Variants in ITPRID2 observed in about 807,000 individuals in gnomAD.
The protein encoded by ITPRID2 is ITPR interacting domain containing 2, also known as protein ITPRID2.
A neutral mutation model predicts 124.3 loss-of-function variants in ITPRID2; 60 were observed. That is an observed-to-expected ratio of 0.48 (90% CI 0.39 to 0.60). The LOEUF (loss-of-function observed/expected upper bound fraction) is 0.60. Among genes scored for constraint, ITPRID2 ranks in the 20% least tolerant of loss-of-function variants. The pLI is 0.00. For synonymous variants in ITPRID2, 521 were observed against 542.9 expected, an observed-to-expected ratio of 0.96 and a Z score of 0.56; for missense variants, 1,553 against 1,512.2, an observed-to-expected ratio of 1.03 and a Z score of -0.45.
chr2:181,906,451 A>G (rs1302111393), intron 8 of ITPRID2, among the ~76,000 whole-genome samples: 1 of 152,170 alleles, frequency 6.6e-6, no homozygotes, highest in African/African-American at 2.4e-5. Context: ...GTTAATTTTA[A>G]TTTTGAGGCT....
intron 16 of ITPRID2, among the ~76,000 whole-genome samples, chr2:181,927,366 T>C (rs1434360968): frequency 6.6e-6 from 1 of 152,198 alleles, no homozygotes; most frequent in African/African-American, 2.4e-5. Context: ...TATTTAAAAG[T>C]GATGCTGTAT....
Position 181,920,634 on chromosome 2 carries a change from G to A in ITPRID2, c.3182G>A (p.Cys1061Tyr). 1 of 1,613,484 alleles carries A rather than the reference G, an allele frequency of 6.2e-7. No homozygotes were observed. Among genetic ancestry groups the A allele is most frequent in the Non-Finnish European group, 8.5e-7 (1 of 1,179,666 alleles). ...CGSRSADNLS[C>Y]PSPLNVMEPV... ...AGTAGAAGCGCTGATAACTTGTCAT[G>A]CCCTTCTCCATTGAATGTAATGGAA... The change falls in exon 15 of 18, where the codon TGC (cysteine) becomes TAC (tyrosine). Residue 1061 changes from cysteine (C) to tyrosine (Y), a missense_variant. Cys to Tyr is a radical substitution (Grantham distance 194). Coordinates refer to ENST00000431877, the MANE Select transcript of ITPRID2 (RefSeq NM_001130445.3).
At chr2:181,920,757 T>A in intron 15 of ITPRID2, 95 bp downstream of exon 15, 1 of 905,932 alleles carries the variant, frequency 1.1e-6, no homozygotes, top group Non-Finnish European at 1.7e-6. Flanking sequence ...ATGTTTATTT[T>A]AAATACATAA....
In ITPRID2 at chr2:181,892,271, G is replaced by A. The variant is rs370480664; in HGVS notation, c.205G>A (p.Gly69Arg). ...LPGAQLPAAG[G>R]RGNVPNEKIA... ...CGGCGCGCAGCTGCCGGCAGCGGGG[G>A]GAAGAGGTCGGTGCTCCCGGCCGGG... Residue 69 changes from glycine to arginine, a missense_variant, in exon 1 of 18, where the codon GGA becomes AGA. Physicochemically the swap from Gly to Arg is moderately radical, Grantham distance 125. Transcript: ENST00000431877. This position sits in a 1 kb window ranked among gnomAD's most constrained non-coding sequence, Gnocchi z 5.2. 35 of 1,546,968 alleles carry A rather than the reference G, an allele frequency of 2.3e-5. No individual in the cohort carries two copies. The highest frequency in any genetic ancestry group is 2.7e-5 in the African/African-American group (2 of 72,960).
At position 181,892,260 on chromosome 2, in the gene ITPRID2, C is replaced by A. The variant is rs939561540; in HGVS notation, c.194C>A (p.Pro65Gln). 37 of 1,548,216 alleles carry A rather than the reference C, an allele frequency of 2.4e-5. No individual in the cohort carries two copies. Among genetic ancestry groups the A allele is most frequent in the African/African-American group, 5.5e-5 (4 of 72,982 alleles). Residue 65 changes from proline (P) to glutamine (Q), a missense_variant, in exon 1 of 18, where the codon CCG becomes CAG. Coordinates refer to ENST00000431877, the MANE Select transcript of ITPRID2 (RefSeq NM_001130445.3). The surrounding 1 kb of genome is among the most constrained non-coding windows in gnomAD (Gnocchi z 5.2). ...GAGGACCTCCCCGGCGCGCAGCTGC[C>A]GGCAGCGGGGGGAAGAGGTCGGTGC... is the stretch of plus-strand genomic sequence containing the variant. ...EEEDLPGAQL[P>Q]AAGGRGNVPN...
In ITPRID2 at chr2:181,892,016, G is replaced by T. The variant is rs1403034628; in HGVS notation, c.-51G>T. On this transcript the variant is annotated 5_prime_UTR_variant, in exon 1 of 18. Transcript: ENST00000431877. The surrounding 1 kb of genome is among the most constrained non-coding windows in gnomAD (Gnocchi z 5.2). ...AGCAAGGGCGGGGGTCCCTGCCGCC[G>T]CCTTGTCTCGCGCAGGGTCCGGCTG... 3.3e-6 allele frequency: 5 copies of T among 1,511,352 alleles called. No homozygotes were observed. Among genetic ancestry groups the T allele is most frequent in the East Asian group, 2.6e-5 (1 of 38,638 alleles). The allele number at this position is 1,511,352 out of a possible 1,614,324, so 93.6% of individuals were successfully genotyped here. A position where few individuals can be genotyped will look rare whatever the true frequency, so the allele number is the denominator to read the frequency against.
chr2:181,892,681 C>T lies in ITPRID2; in HGVS notation c.257+21C>T. ...TGCCGGTGAGTGCTCCCTGGTCCGC[C>T]CGCGTCCCGGGGGAGATCCGTGCGG... On this transcript the variant is annotated intron_variant, in intron 2 of 17. Transcript: ENST00000431877. The surrounding 1 kb of genome is among the most constrained non-coding windows in gnomAD (Gnocchi z 5.2). 1 of 1,613,916 alleles carries T rather than the reference C, an allele frequency of 6.2e-7. No individual in the cohort carries two copies. The highest frequency in any genetic ancestry group is 8.5e-7 in the Non-Finnish European group (1 of 1,179,934).
At position 181,892,122 on chromosome 2, in the gene ITPRID2, T is replaced by G. The variant is rs1691751269; in HGVS notation, c.56T>G (p.Val19Gly). ...GCGGAGGAGGAACTGGAGTGGCAAG[T>G]GGCGAGTCGCAGGAGGAAGGCCTGG... is the stretch of plus-strand genomic sequence containing the variant. ...AEAEEELEWQ[V>G]ASRRRKAWAK... Residue 19 changes from valine to glycine, a missense_variant, in exon 1 of 18, where the codon GTG becomes GGG. Val to Gly is a moderately radical substitution (Grantham distance 109). Coordinates refer to ENST00000431877, the MANE Select transcript of ITPRID2 (RefSeq NM_001130445.3). The surrounding 1 kb of genome is among the most constrained non-coding windows in gnomAD (Gnocchi z 5.2). The G allele has an allele frequency of 5.1e-6, 8 of 1,558,656 alleles. No individual in the cohort carries two copies. Among genetic ancestry groups the G allele is most frequent in the Non-Finnish European group, 6.9e-6 (8 of 1,151,980 alleles).
intron 10 of ITPRID2, among the ~76,000 whole-genome samples, chr2:181,914,287 C>A (rs1693856777): frequency 6.6e-6 from 1 of 152,072 alleles, no homozygotes; most frequent in African/African-American, 2.4e-5. Flanking sequence ...TAATAACTGA[C>A]ATTAATTGTG....
Position 181,921,949 on chromosome 2 carries a change from T to C in ITPRID2, c.3212T>C (p.Val1071Ala), listed in dbSNP as rs748716574. ...CPSPLNVMEP[V>A]TELMQEQSYL... ...ATAACATTTTTTTATGATCTCCAGG[T>C]CACTGAACTGATGCAGGAGCAGTCA... is the stretch of plus-strand genomic sequence containing the variant. Residue 1071 changes from valine to alanine, a missense_variant and splice_region_variant, in exon 16 of 18, where the codon GTC becomes GCC. By Grantham distance (64) the Val-to-Ala change is moderately conservative (BLOSUM62 0). Transcript: ENST00000431877. 9 of 1,613,336 alleles carry C rather than the reference T, an allele frequency of 5.6e-6. No individual in the cohort carries two copies. The highest frequency in any genetic ancestry group is 3.3e-5 in the Admixed American group (2 of 59,930).
rs751507051 is a variant in ITPRID2 at position 181,916,245 on chromosome 2, A to T, written c.2605A>T (p.Ser869Cys). The T allele has an allele frequency of 1.2e-6, 2 of 1,614,214 alleles. No individual in the cohort carries two copies. The highest frequency in any genetic ancestry group is 1.3e-5 in the African/African-American group (1 of 75,056). The change falls in exon 11 of 18, where the codon AGT becomes TGT. Residue 869 changes from serine (S) to cysteine (C), a missense_variant. Coordinates refer to ENST00000431877, the MANE Select transcript of ITPRID2 (RefSeq NM_001130445.3). ...GCACACAAGAACTCTGAGCACTCAC[A>T]GTGTTCCCAACATATCAGGGGCTAC... ...CEHTRTLSTHSVPNISGATCS... is the reference protein window; with the variant it reads ...CEHTRTLSTHCVPNISGATCS...
At chr2:181,921,850 A>T in intron 15 of ITPRID2, 98 bp from the exon 16 acceptor site, 1 of 1,015,476 alleles carries the variant, frequency 9.8e-7, no homozygotes, top group Non-Finnish European at 1.4e-6. Flanking sequence ...TTTACAAATT[A>T]CATGATTTTA....
chr2:181,898,744 A>G, intron 4 of ITPRID2, 136 bp from the exon 5 acceptor site: 5 of 727,400 alleles, frequency 6.9e-6, no homozygotes, highest in Admixed American at 2.3e-5. Context: ...TGCAGATTTA[A>G]TGGACCAAGA....
chr2:181,915,195 C>T, intron 10 of ITPRID2, 21 bp from the exon 11 acceptor site: 2 of 1,599,932 alleles, frequency 1.3e-6, no homozygotes, highest in Non-Finnish European at 1.7e-6. Flanking sequence ...CTTCATCTTT[C>T]CACCTATTTT....
chr2:181,915,360 C>T lies in ITPRID2; in HGVS notation c.1720C>T (p.Pro574Ser), dbSNP rs765768410. The T allele has an allele frequency of 9.3e-6, 15 of 1,613,932 alleles. No individual in the cohort carries two copies. In the Admixed American group the frequency reaches 1.8e-4, roughly 20 times the overall value. ...TGAATCAGAGGAGGAGTCTCTTGTCCCTCTTCAGAAGGGACTAGAGAAGGC... is the reference window on the plus strand; with the variant it reads ...TGAATCAGAGGAGGAGTCTCTTGTCTCTCTTCAGAAGGGACTAGAGAAGGC... ...FNESEEESLV[P>S]LQKGLEKAAA... The change falls in exon 11 of 18, where the codon CCT becomes TCT. Residue 574 changes from proline (P) to serine (S), a missense_variant. By Grantham distance (74) the Pro-to-Ser change is moderately conservative. Transcript: ENST00000431877.
Position 181,892,020 on chromosome 2 carries a change from T to G in ITPRID2, c.-47T>G. ...AGGGCGGGGGTCCCTGCCGCCGCCT[T>G]GTCTCGCGCAGGGTCCGGCTGGGGT... On this transcript the variant is annotated 5_prime_UTR_variant, in exon 1 of 18. Transcript: ENST00000431877. This position sits in a 1 kb window ranked among gnomAD's most constrained non-coding sequence, Gnocchi z 5.2. 6.5e-7 allele frequency: 1 copy of G among 1,533,674 alleles called. No homozygotes were observed. The highest frequency in any genetic ancestry group is 1.2e-5 in the South Asian group (1 of 83,200).
chr2:181,909,970 A>C lies in ITPRID2; in HGVS notation c.1485A>C (p.Arg495Ser). ...TYQLGLTKSK[R>S]DHLLRTASQH... Reference sequence around the variant, plus strand: ...AGCTAGGTCTTACGAAGTCGAAAAGAGGTAAGTGGACCAGTATCCACTAGT... The same window carrying C: ...AGCTAGGTCTTACGAAGTCGAAAAGCGGTAAGTGGACCAGTATCCACTAGT... The change falls in exon 9 of 18, where the codon AGA (arginine) becomes AGC (serine). Residue 495 changes from arginine (R) to serine (S), a missense_variant and splice_region_variant. Arg to Ser is a moderately radical substitution (Grantham distance 110). Coordinates refer to ENST00000431877, the MANE Select transcript of ITPRID2 (RefSeq NM_001130445.3). 1 of 1,611,296 alleles carries C rather than the reference A, an allele frequency of 6.2e-7. No homozygotes were observed. Among genetic ancestry groups the C allele is most frequent in the Non-Finnish European group, 8.5e-7 (1 of 1,177,814 alleles).
rs148417503 is a variant in ITPRID2, at chr2:181,922,234, T to G, written c.3497T>G (p.Val1166Gly). The stretch of plus-strand genomic sequence containing the variant: ...ACAGCTCCTTCTAGAACAGGCTCTG[T>G]GCAGACACCTCCAGATTTGGAAAGT... ...TPTAPSRTGS[V>G]QTPPDLESSE... Residue 1166 changes from valine (V) to glycine (G), a missense_variant, in exon 16 of 18, where the codon GTG becomes GGG. Transcript: ENST00000431877. The G allele has an allele frequency of 7.7e-5, 124 of 1,614,204 alleles. No individual in the cohort carries two copies. The African/African-American group carries it at 1.5e-3, about 19-fold the overall frequency.
At position 181,892,063 on chromosome 2, in the gene ITPRID2, G is replaced by C; in HGVS notation, c.-4G>C. On this transcript the variant is annotated 5_prime_UTR_variant, in exon 1 of 18. Coordinates refer to ENST00000431877, the MANE Select transcript of ITPRID2 (RefSeq NM_001130445.3). This position sits in a 1 kb window ranked among gnomAD's most constrained non-coding sequence, Gnocchi z 5.2. ...GCTGGGGTAGCGGAGCCCCCAGTGC[G>C]GCCATGGACCGGCCCCTGTCGTCGT... is the stretch of plus-strand genomic sequence containing the variant. The C allele has an allele frequency of 6.5e-7, 1 of 1,549,294 alleles. No individual in the cohort carries two copies. Among genetic ancestry groups the C allele is most frequent in the Non-Finnish European group, 8.7e-7 (1 of 1,147,350 alleles).
Sources: allele counts gnomAD v4.1 joint callset (sites outside exome capture counted in the v4.1 genomes callset), GRCh38; gene constraint gnomAD v4.1.1; non-coding constraint Gnocchi (gnomAD v3.1); transcripts MANE v1.5; gene names NCBI Gene and HGNC (gene_info 2026-07-23, HGNC 2026-07-21).